LIPI: variants seen among roughly 807,000 people sequenced by gnomAD.
LIPI encodes lipase I.
In LIPI, 59 loss-of-function variants were observed where a neutral mutation model predicts 50.6. The ratio of observed to expected loss-of-function variants is 1.16; its 90% CI spans 0.94 to 1.45. The LOEUF (loss-of-function observed/expected upper bound fraction) is 1.45, where lower values mean the gene tolerates loss of function less well. Ranked by LOEUF, LIPI falls within the 40% of genes most tolerant of loss-of-function variation. The probability of loss-of-function intolerance (pLI) is 0.00; values close to 1 mark genes in which losing one functional copy is unlikely to be tolerated. For missense variants in LIPI, 586 were observed against 536.3 expected, an observed-to-expected ratio of 1.09 and a Z score of -0.92; for synonymous variants, 203 against 178.2, an observed-to-expected ratio of 1.14 and a Z score of -1.11.
At chr21:14,140,442 C>A (rs1325928524) in intron 9 of LIPI, among the ~76,000 whole-genome samples, 2 of 152,004 alleles carry the variant, frequency 1.3e-5, no homozygotes, top group African/African-American at 4.8e-5. Flanking sequence ...ATATACATTA[C>A]AAAAGTTTTC....
rs2019444556 is a variant in LIPI at position 14,186,037 on chromosome 21, G to A, written c.465C>T (p.Phe155=). The A allele has an allele frequency of 4.4e-6, 7 of 1,603,768 alleles. No homozygotes were observed. The highest frequency in any genetic ancestry group is 1.3e-5 in the African/African-American group (1 of 74,768). ...KHGASLDNFH[F]IGVSLGAHIS... Reference sequence around the variant, plus strand: ...TATGAGCCCCTAAGCTCACACCTATGAAATGAAAATTGTCAAGAGATGCAC... The same window carrying A: ...TATGAGCCCCTAAGCTCACACCTATAAAATGAAAATTGTCAAGAGATGCAC... Residue 155 remains phenylalanine (F), a synonymous_variant, in exon 3 of 10, where the codon TTC becomes TTT. Coordinates refer to ENST00000681601, the MANE Select transcript of LIPI (RefSeq NM_001302998.2).
chr21:14,123,325 TCA>T (rs1409498959), intron 9 of LIPI, among the ~76,000 whole-genome samples: 2 of 152,274 alleles, frequency 1.3e-5, no homozygotes, highest in Middle Eastern at 3.4e-3. Context: ...ACCCTCTCTC[TCA>T]GTTTCCAGCG....
At chr21:14,124,221 C>T (rs1401844986) in intron 9 of LIPI, among the ~76,000 whole-genome samples, 2 of 152,040 alleles carry the variant, frequency 1.3e-5, no homozygotes, top group Non-Finnish European at 2.9e-5. Flanking sequence ...CAACCGATCC[C>T]CTGGGAAGAA....
At chr21:14,198,890 T>G (rs1319270194) in intron 1 of LIPI, among the ~76,000 whole-genome samples, 1 of 151,548 alleles carries the variant, frequency 6.6e-6, no homozygotes, top group Non-Finnish European at 1.5e-5. Context: ...ACAAAAGAAA[T>G]GAAATCATAA....
At position 14,172,646 on chromosome 21, in the gene LIPI, C is replaced by T. The variant is rs1367761007; in HGVS notation, c.644-6195G>A. ...AAACCAAACACCGCATATTCTCACT[C>T]ATAGGTGGGAATTGAACAATGAGAA... On this transcript the variant is annotated intron_variant, in intron 4 of 9. Coordinates refer to ENST00000681601, the MANE Select transcript of LIPI (RefSeq NM_001302998.2). Among the ~76,000 whole-genome samples, 3 of 150,468 alleles carry T rather than the reference C, an allele frequency of 2.0e-5. No individual in the cohort carries two copies. The East Asian group carries it at 5.9e-4, about 30-fold the overall frequency.
chr21:14,126,982 A>G (rs758726831), intron 9 of LIPI, among the ~76,000 whole-genome samples: 29 of 152,330 alleles, frequency 1.9e-4, no homozygotes, highest in Non-Finnish European at 3.1e-4. Context: ...CAAAAGAATA[A>G]GTTTTACTGT....
In LIPI at chr21:14,186,058, T is replaced by G. The variant is rs1220325280; in HGVS notation, c.444A>C (p.Ala148=). The change falls in exon 3 of 10, where the codon GCA becomes GCC. Residue 148 remains alanine (A), a synonymous_variant. Transcript: ENST00000681601. ...CTATGAAATGAAAATTGTCAAGAGATGCACCATGCTTCTGCAATTAAAGAG... is the reference window on the plus strand; with the variant it reads ...CTATGAAATGAAAATTGTCAAGAGAGGCACCATGCTTCTGCAATTAAAGAG... ...VHIKNLLKHG[A]SLDNFHFIGV... 1 of 1,575,282 alleles carries G rather than the reference T, an allele frequency of 6.3e-7. No individual in the cohort carries two copies. Among genetic ancestry groups the G allele is most frequent in the Non-Finnish European group, 8.7e-7 (1 of 1,144,816 alleles).
rs966064955 is a variant in LIPI, at chr21:14,172,623, A to C, written c.644-6172T>G. ...CGGTAAACTATCGCAAGAACAAAAA[A>C]CCAAACACCGCATATTCTCACTCAT... On this transcript the variant is annotated intron_variant, in intron 4 of 9. Coordinates refer to ENST00000681601, the MANE Select transcript of LIPI (RefSeq NM_001302998.2). Among the ~76,000 whole-genome samples the C allele has an allele frequency of 1.4e-4, 21 of 151,780 alleles. No individual in the cohort carries two copies. The South Asian group carries it at 2.5e-3, about 18-fold the overall frequency.
intron 1 of LIPI, among the ~76,000 whole-genome samples, chr21:14,196,674 T>G (rs746116150): frequency 6.6e-6 from 1 of 151,360 alleles, no homozygotes. Context: ...AAAAAAAAAG[T>G]AAAAATCTAG....
At chr21:14,121,189 C>G (rs1272887669) in intron 9 of LIPI, among the ~76,000 whole-genome samples, 1 of 152,030 alleles carries the variant, frequency 6.6e-6, no homozygotes, top group African/African-American at 2.4e-5. Context: ...GACAACAGAC[C>G]AGCTTTTGTA....
chr21:14,150,771 G>A (rs142273836), intron 8 of LIPI, among the ~76,000 whole-genome samples: 44 of 152,218 alleles, frequency 2.9e-4, no homozygotes, highest in Non-Finnish European at 5.4e-4. Context: ...GAAAAGGGCC[G>A]AAAAGTTTCT....
intron 1 of LIPI, among the ~76,000 whole-genome samples, chr21:14,191,869 G>A (rs1046358721): frequency 6.6e-6 from 1 of 152,140 alleles, no homozygotes; most frequent in Admixed American, 6.6e-5. Context: ...TCCATAGTCT[G>A]GCCTGTTAGA....
intron 9 of LIPI, among the ~76,000 whole-genome samples, chr21:14,120,469 AG>A (rs1306341665): frequency 6.6e-6 from 1 of 152,258 alleles, no homozygotes; most frequent in East Asian, 1.9e-4. Flanking sequence ...AAGAACAAAA[AG>A]GAAATAGGGC....
In LIPI at chr21:14,144,708, A is replaced by T; in HGVS notation, c.1210T>A (p.Tyr404Asn). The change falls in exon 9 of 10, where the codon TAT becomes AAT. Residue 404 changes from tyrosine (Y) to asparagine (N), a missense_variant. Physicochemically the swap from Tyr to Asn is moderately radical, Grantham distance 143. Transcript: ENST00000681601. ...CACTGCAGATTTGAGCTCTGGAAAT[A>T]TGTCAAACCAATGCTTGAAATATTT... is the stretch of plus-strand genomic sequence containing the variant. ...FVNISSIGLT[Y>N]FQSSNLQCST... The T allele has an allele frequency of 6.4e-7, 1 of 1,573,218 alleles. No homozygotes were observed. The highest frequency in any genetic ancestry group is 8.7e-7 in the Non-Finnish European group (1 of 1,143,216).
chr21:14,176,807 A>T (rs142410988), intron 4 of LIPI, among the ~76,000 whole-genome samples: 3,949 of 148,934 alleles, frequency 0.027, 66 homozygotes, highest in Admixed American at 0.033. Context: ...TTATTATTAT[A>T]CTTTAAGTTC....
intron 4 of LIPI, among the ~76,000 whole-genome samples, chr21:14,167,577 C>T (rs921835736): frequency 1.3e-5 from 2 of 152,184 alleles, no homozygotes; most frequent in African/African-American, 2.4e-5. Flanking sequence ...TGTTCTGCAG[C>T]CACCACGGCT....
intron 9 of LIPI, among the ~76,000 whole-genome samples, chr21:14,137,086 G>A (rs2017526046): frequency 6.6e-6 from 1 of 152,048 alleles, no homozygotes; most frequent in Non-Finnish European, 1.5e-5. Flanking sequence ...TGTTTTAAAA[G>A]GTCTGGAGTG....
At chr21:14,178,250 ATTATGAGATAATATCTC>A (rs2019158960) in intron 4 of LIPI, among the ~76,000 whole-genome samples, 1 of 152,140 alleles carries the variant, frequency 6.6e-6, no homozygotes, top group South Asian at 2.1e-4. Context: ...GTTTGGGAAA[ATTATGAGATAATATCTC>A]TTTAAATATA....
chr21:14,152,505 G>C, intron 8 of LIPI, 68 bp downstream of exon 8: 1 of 760,280 alleles, frequency 1.3e-6, no homozygotes, highest in Middle Eastern at 2.7e-4. Context: ...TAAATTATCT[G>C]TTGGATGGGA....
Sources: gnomAD v4.1 joint callset for allele counts (sites outside exome capture counted in the v4.1 genomes callset) on GRCh38, gnomAD v4.1.1 for gene constraint, MANE v1.5 for transcripts, NCBI Gene and HGNC (gene_info 2026-07-23, HGNC 2026-07-21) for gene names.